EPHB2: variants seen among roughly 807,000 people sequenced by gnomAD.
EPHB2 encodes the protein ephrin type-B receptor 2.
Under a neutral mutation model 96.4 loss-of-function variants are expected in EPHB2, and 18 were observed. The ratio of observed to expected loss-of-function variants is 0.19; its 90% CI spans 0.13 to 0.28. The LOEUF (loss-of-function observed/expected upper bound fraction) is 0.28, where lower values mean the gene tolerates loss of function less well. Ranked by LOEUF, EPHB2 falls within the 10% of genes least tolerant of loss-of-function variation. The pLI, the probability that EPHB2 is intolerant of heterozygous loss-of-function variation, is 1.00. For synonymous variants in EPHB2, 506 were observed against 534.1 expected, an observed-to-expected ratio of 0.95 and a Z score of 0.72; for missense variants, 989 against 1,355.4, an observed-to-expected ratio of 0.73 and a Z score of 4.25.
chr1:22,727,682 G>T (rs1643611246), intron 1 of EPHB2, among the ~76,000 whole-genome samples: 2 of 151,524 alleles, frequency 1.3e-5, no homozygotes, highest in Non-Finnish European at 2.9e-5. Context: ...CCTTCCAAGG[G>T]AGATAAGTTG....
At position 22,906,910 on chromosome 1, in the gene EPHB2, A is replaced by T. The variant is rs1639935235; in HGVS notation, c.2089A>T (p.Ile697Phe). Residue 697 changes from isoleucine to phenylalanine, a missense_variant, in exon 11 of 16, where the codon ATC (isoleucine) becomes TTC (phenylalanine). Coordinates refer to ENST00000374630, the MANE Select transcript of EPHB2 (RefSeq NM_017449.5). The surrounding 1 kb of genome is among the most constrained non-coding windows in gnomAD (Gnocchi z 4.8). ...GVVTKSTPVM[I>F]ITEFMENGSL... The stretch of plus-strand genomic sequence containing the variant: ...CGTGACCAAGAGCACACCTGTGATG[A>T]TCATCACCGAGTTCATGGAGAATGG... 6.2e-7 allele frequency: 1 copy of T among 1,613,754 alleles called. No homozygotes were observed. Among genetic ancestry groups the T allele is most frequent in the Non-Finnish European group, 8.5e-7 (1 of 1,179,786 alleles).
At chr1:22,815,500 G>T (rs754490354) in intron 3 of EPHB2, among the ~76,000 whole-genome samples, 24 of 152,222 alleles carry the variant, frequency 1.6e-4, no homozygotes, top group Non-Finnish European at 3.4e-4. Flanking sequence ...TGAAACCTGA[G>T]GTGGGGCTGG....
rs551875719 is a variant in EPHB2 at position 22,845,872 on chromosome 1, C to T, written c.812-17165C>T. On this transcript the variant is annotated intron_variant, in intron 3 of 15. Coordinates refer to ENST00000374630, the MANE Select transcript of EPHB2 (RefSeq NM_017449.5). ...CTAGGCAATTTGTCATAAAGTCTCC[C>T]GGCTGTTGGCCAGAGATCACTTTTG... Among the ~76,000 whole-genome samples the T allele has an allele frequency of 1.1e-4, 16 of 152,278 alleles. 1 individual carries two copies. The South Asian group carries it at 2.5e-3, about 24-fold the overall frequency.
At chr1:22,739,144 A>G (rs1345065441) in intron 1 of EPHB2, among the ~76,000 whole-genome samples, 2 of 152,084 alleles carry the variant, frequency 1.3e-5, no homozygotes, top group Admixed American at 1.3e-4. Flanking sequence ...GGCTTAAGCA[A>G]TCCTCCTATC....
chr1:22,822,546 C>A (rs966234009), intron 3 of EPHB2, among the ~76,000 whole-genome samples: 2 of 152,240 alleles, frequency 1.3e-5, no homozygotes, highest in African/African-American at 2.4e-5. Flanking sequence ...TAAATTCCTT[C>A]TTCCTTGGGA....
chr1:22,824,804 G>T (rs755625911), intron 3 of EPHB2, among the ~76,000 whole-genome samples: 7 of 152,192 alleles, frequency 4.6e-5, no homozygotes, highest in Admixed American at 1.3e-4. Context: ...TTAATTTTCA[G>T]CTCCAGCCTG....
chr1:22,801,647 A>C (rs150998500), intron 3 of EPHB2, among the ~76,000 whole-genome samples: 1 of 152,154 alleles, frequency 6.6e-6, no homozygotes, highest in African/African-American at 2.4e-5. Flanking sequence ...CCAAGGCACC[A>C]TGTGGGCAGA....
At chr1:22,779,445 G>T (rs190060925) in intron 1 of EPHB2, among the ~76,000 whole-genome samples, 58 of 152,236 alleles carry the variant, frequency 3.8e-4, no homozygotes, top group African/African-American at 1.3e-3. Flanking sequence ...CAGCTCATGG[G>T]TCTGACTGGG....
At chr1:22,794,790 C>A (rs140490805) in intron 3 of EPHB2, among the ~76,000 whole-genome samples, 1 of 152,184 alleles carries the variant, frequency 6.6e-6, no homozygotes, top group Non-Finnish European at 1.5e-5. Context: ...ACTGGCTCAT[C>A]TGGACCCTGA....
intron 1 of EPHB2, among the ~76,000 whole-genome samples, chr1:22,747,420 G>GT (rs1448285575): frequency 9.2e-5 from 14 of 152,248 alleles, no homozygotes; most frequent in Non-Finnish European, 1.3e-4. Context: ...ATCAAGGTCT[G>GT]TTGATGCCAG....
intron 1 of EPHB2, among the ~76,000 whole-genome samples, chr1:22,749,911 T>G (rs1370571276): frequency 6.6e-6 from 1 of 152,070 alleles, no homozygotes; most frequent in African/African-American, 2.4e-5. Flanking sequence ...AATCAAGACG[T>G]GTGGTTTGAC....
chr1:22,786,715 G>A (rs1452990946), intron 3 of EPHB2, among the ~76,000 whole-genome samples: 1 of 152,196 alleles, frequency 6.6e-6, no homozygotes, highest in African/African-American at 2.4e-5. Flanking sequence ...TGGGGAAGAG[G>A]AGAGGCGAGA....
intron 1 of EPHB2, among the ~76,000 whole-genome samples, chr1:22,734,865 C>A (rs1414449986): frequency 6.6e-6 from 1 of 152,204 alleles, no homozygotes; most frequent in Admixed American, 6.5e-5. Context: ...AGGGGACTTA[C>A]AGATTACAAG....
chr1:22,797,479 C>T (rs976255029), intron 3 of EPHB2, among the ~76,000 whole-genome samples: 1 of 152,112 alleles, frequency 6.6e-6, no homozygotes, highest in African/African-American at 2.4e-5. Context: ...CCCGACCTCT[C>T]CACCTTGGAG....
At chr1:22,842,604 A>G (rs1645485843) in intron 3 of EPHB2, among the ~76,000 whole-genome samples, 1 of 152,030 alleles carries the variant, frequency 6.6e-6, no homozygotes, top group African/African-American at 2.4e-5. Context: ...ATGGTTTGCC[A>G]TCACACCTAG....
chr1:22,842,792 C>T (rs1264420285), intron 3 of EPHB2, among the ~76,000 whole-genome samples: 1 of 152,062 alleles, frequency 6.6e-6, no homozygotes, highest in Non-Finnish European at 1.5e-5. Context: ...AGCCTTTGTA[C>T]ATTCTGTTCC....
At position 22,910,485 on chromosome 1, in the gene EPHB2, A is replaced by G. The variant is rs1640058709; in HGVS notation, c.2606A>G (p.His869Arg). Residue 869 changes from histidine to arginine, a missense_variant, in exon 14 of 16, where the codon CAC (histidine) becomes CGC (arginine). By Grantham distance (29) the His-to-Arg change is conservative. Transcript: ENST00000374630. ...MLDCWQKDRN[H>R]RPKFGQIVNT... is the part of the protein sequence containing the mutation. ...GACTGTTGGCAGAAGGACCGCAACCACCGGCCCAAGTTCGGCCAAATTGTC... is the reference window on the plus strand; with the variant it reads ...GACTGTTGGCAGAAGGACCGCAACCGCCGGCCCAAGTTCGGCCAAATTGTC... 6 of 1,612,756 alleles carry G rather than the reference A, an allele frequency of 3.7e-6. No individual in the cohort carries two copies. The highest frequency in any genetic ancestry group is 5.1e-6 in the Non-Finnish European group (6 of 1,179,996).
At chr1:22,771,167 T>A (rs1014108704) in intron 1 of EPHB2, among the ~76,000 whole-genome samples, 3 of 152,054 alleles carry the variant, frequency 2.0e-5, no homozygotes, top group Non-Finnish European at 4.4e-5. Flanking sequence ...GCTACCACAG[T>A]GAACCAGACT....
At chr1:22,911,526 G>A (rs537133057) in intron 14 of EPHB2, among the ~76,000 whole-genome samples, 1 of 152,184 alleles carries the variant, frequency 6.6e-6, no homozygotes, top group African/African-American at 2.4e-5. Flanking sequence ...CCTGAGGGGT[G>A]TTCACTTGGG....
Sources: allele counts gnomAD v4.1 joint callset (sites outside exome capture counted in the v4.1 genomes callset), GRCh38; gene constraint gnomAD v4.1.1; non-coding constraint Gnocchi (gnomAD v3.1); transcripts MANE v1.5; gene names NCBI Gene and HGNC (gene_info 2026-07-23, HGNC 2026-07-21).